Variants in PPM1N observed in about 807,000 individuals in gnomAD.
PPM1N encodes the protein protein phosphatase, Mg2+/Mn2+ dependent 1N (putative).
PPM1N carries 35 observed loss-of-function variants against 32.6 expected under a neutral mutation model. That is an observed-to-expected ratio of 1.07 (90% CI 0.82 to 1.43). The LOEUF (loss-of-function observed/expected upper bound fraction) is 1.43. PPM1N is among the 40% of genes most tolerant of loss of function. PPM1N has a pLI of 0.00. For synonymous variants in PPM1N, 275 were observed against 270.5 expected, an observed-to-expected ratio of 1.02 and a Z score of -0.16; for missense variants, 648 against 606.6, an observed-to-expected ratio of 1.07 and a Z score of -0.72.
chr19:45,499,598 GC>G, intron 1 of PPM1N, 187 bp downstream of exon 1: 1 of 1,549,640 alleles, frequency 6.5e-7, no homozygotes, highest in Non-Finnish European at 8.7e-7. Flanking sequence ...CCTGAGGGAT[GC>G]TTTGAGGCAC....
Position 45,500,657 on chromosome 19 carries a change from G to T in PPM1N, c.1171G>T (p.Val391Phe), listed in dbSNP as rs1279046611. The T allele has an allele frequency of 6.2e-7, 1 of 1,603,076 alleles. No individual in the cohort carries two copies. Residue 391 changes from valine to phenylalanine, a missense_variant, in exon 4 of 5, where the codon GTC becomes TTC. By Grantham distance (50) the Val-to-Phe change is conservative (BLOSUM62 -1). Coordinates refer to ENST00000451287, the MANE Select transcript of PPM1N (RefSeq NM_001080401.2). ...PGGGLDCKAT[V>F]IAEVYSQICQ... ...CCTTCCTGTGCTCTCCAGGGCCACT[G>T]TCATTGCTGAAGTTTATTCTCAGAT... is the stretch of plus-strand genomic sequence containing the variant.
rs765941121 is a variant in PPM1N, at chr19:45,500,567, TTGGGGTGAGGAAGGG to T, written c.1163+14_1163+28del. 2 of 1,605,262 alleles carry T rather than the reference TTGGGGTGAGGAAGGG, an allele frequency of 1.2e-6. No homozygotes were observed. Among genetic ancestry groups the T allele is most frequent in the South Asian group, 1.1e-5 (1 of 89,718 alleles). ...GGGGGAGGGCTGGACTGCAAGTGAG[TTGGGGTGAGGAAGGG>T]TGGGGTGGAATGAGGGTGGGGTGGA... On this transcript the variant is annotated splice_region_variant and intron_variant, in intron 3 of 4. Transcript: ENST00000451287.
rs1174782928 is a variant in PPM1N, at chr19:45,502,335, C to CAAAAAAAAAAAAAAAAAAAAAAA, written c.*257_*258insAAAAAAAAAAAAAAAAAAAAAAA. The stretch of plus-strand genomic sequence containing the variant: ...AAAAAAAAAAAAAAAAAAAAAAAAA[C>CAAAAAAAAAAAAAAAAAAAAAAA]AAAAAAACCCAACCAAATGTTTTTG... On this transcript the variant is annotated 3_prime_UTR_variant, in exon 5 of 5. Transcript: ENST00000451287. 3.0e-6 allele frequency: 1 copy of CAAAAAAAAAAAAAAAAAAAAAAA among 338,172 alleles called. No individual in the cohort carries two copies. The highest frequency in any genetic ancestry group is 4.3e-5 in the African/African-American group (1 of 23,528). The allele number at this position is 338,172 out of a possible 1,614,324, so 20.9% of individuals were successfully genotyped here.
chr19:45,501,775 T>A (rs1968417354), intron 4 of PPM1N, among the ~76,000 whole-genome samples: 1 of 152,150 alleles, frequency 6.6e-6, no homozygotes, highest in African/African-American at 2.4e-5. Context: ...AGTTTGCCAA[T>A]TTCCCCGGAG....
Position 45,498,697 on chromosome 19 carries a change from G to T in PPM1N, c.225G>T (p.Trp75Cys). The change falls in exon 1 of 5, where the codon TGG (tryptophan) becomes TGT (cysteine). Residue 75 changes from tryptophan (W) to cysteine (C), a missense_variant. Transcript: ENST00000451287. ...LRFGASAAQG[W>C]RARMEDAHCT... The stretch of plus-strand genomic sequence containing the variant: ...TCGGGGCGAGCGCAGCGCAAGGCTG[G>T]CGCGCGCGCATGGAGGATGCTCACT... 1.3e-6 allele frequency: 2 copies of T among 1,492,002 alleles called. No individual in the cohort carries two copies. 92.4% of individuals were successfully genotyped at this position (1,492,002 alleles called of 1,614,324 possible).
rs1035878555 is a variant in PPM1N at position 45,500,161 on chromosome 19, G to A, written c.1057+95G>A. The A allele has an allele frequency of 7.8e-6, 11 of 1,409,990 alleles. No homozygotes were observed. The Admixed American group carries it at 2.9e-4, about 38-fold the overall frequency. The allele number at this position is 1,409,990 out of a possible 1,614,324, so 87.3% of individuals were successfully genotyped here. ...TTTTTCTTTTTTTTTTTGAGATGGA[G>A]TCTTGCTCTGTCTCCTAGGCTGGAG... On this transcript the variant is annotated intron_variant, in intron 2 of 4. Coordinates refer to ENST00000451287, the MANE Select transcript of PPM1N (RefSeq NM_001080401.2).
Position 45,502,252 on chromosome 19 carries a change from C to T in PPM1N, c.*167C>T. ...TCTTACTTCCCTCTCACAGAAAAGTCTTACGAATGGGGAAATTCCACCAAC... is the reference window on the plus strand; with the variant it reads ...TCTTACTTCCCTCTCACAGAAAAGTTTTACGAATGGGGAAATTCCACCAAC... On this transcript the variant is annotated 3_prime_UTR_variant, in exon 5 of 5. Coordinates refer to ENST00000451287, the MANE Select transcript of PPM1N (RefSeq NM_001080401.2). 3.0e-6 allele frequency: 1 copy of T among 337,022 alleles called. No individual in the cohort carries two copies. The highest frequency in any genetic ancestry group is 2.4e-5 in the South Asian group (1 of 42,158). The allele number at this position is 337,022 out of a possible 1,614,324, so 20.9% of individuals were successfully genotyped here.
intron 1 of PPM1N, 178 bp from the exon 2 acceptor site, chr19:45,499,771 C>G: frequency 6.6e-7 from 1 of 1,506,760 alleles, no homozygotes; most frequent in Non-Finnish European, 8.9e-7. Flanking sequence ...GCATTGTTCT[C>G]TCAATTGGGA....
chr19:45,498,849 T>C lies in PPM1N; in HGVS notation c.377T>C (p.Leu126Pro). The C allele has an allele frequency of 1.3e-6, 2 of 1,534,070 alleles. No individual in the cohort carries two copies. Among genetic ancestry groups the C allele is most frequent in the Non-Finnish European group, 1.7e-6 (2 of 1,149,820 alleles). ...TTGCCAGGCCATGTGCTCCAGGAGC[T>C]GGGCCCGGAGCCTAGCGAGCCCGAG... The part of the protein sequence containing the change: ...RHLPGHVLQE[L>P]GPEPSEPEGV... Residue 126 changes from leucine (L) to proline (P), a missense_variant, in exon 1 of 5, where the codon CTG becomes CCG. Physicochemically the swap from Leu to Pro is moderately conservative, Grantham distance 98. Coordinates refer to ENST00000451287, the MANE Select transcript of PPM1N (RefSeq NM_001080401.2).
rs375340857 is a variant in PPM1N at position 45,499,356 on chromosome 19, T to G, written c.884T>G (p.Leu295Trp). 4.3e-6 allele frequency: 7 copies of G among 1,611,690 alleles called. No individual in the cohort carries two copies. Among genetic ancestry groups the G allele is most frequent in the Non-Finnish European group, 5.9e-6 (7 of 1,179,362 alleles). The change falls in exon 1 of 5, where the codon TTG becomes TGG. Residue 295 changes from leucine to tryptophan, a missense_variant. By Grantham distance (61) the Leu-to-Trp change is moderately conservative. Coordinates refer to ENST00000451287, the MANE Select transcript of PPM1N (RefSeq NM_001080401.2). Reference protein sequence around the residue: ...LAGLVASRLRLGLAPELLCAQ... With the variant: ...LAGLVASRLRWGLAPELLCAQ... Reference sequence around the variant, plus strand: ...GGACTGGTGGCTTCACGCCTCCGCTTGGGCCTGGCCCCAGAGCTTCTCTGC... The same window carrying G: ...GGACTGGTGGCTTCACGCCTCCGCTGGGGCCTGGCCCCAGAGCTTCTCTGC...
chr19:45,500,787 T>C (rs2122250586), intron 4 of PPM1N, 77 bp downstream of exon 4: 13 of 1,074,828 alleles, frequency 1.2e-5, no homozygotes, highest in Admixed American at 2.4e-5. Flanking sequence ...GACAGGGAAA[T>C]TGAAGCCAGT....
In PPM1N at chr19:45,499,336, G is replaced by C. The variant is rs747963392; in HGVS notation, c.864G>C (p.Leu288=). The part of the protein sequence containing the change: ...DTVSGAALAG[L]VASRLRLGLA... ...TGTCTGGTGCTGCCCTGGCGGGACTGGTGGCTTCACGCCTCCGCTTGGGCC... is the reference window on the plus strand; with the variant it reads ...TGTCTGGTGCTGCCCTGGCGGGACTCGTGGCTTCACGCCTCCGCTTGGGCC... The change falls in exon 1 of 5, where the codon CTG becomes CTC. Residue 288 remains leucine, a synonymous_variant. Transcript: ENST00000451287. The C allele has an allele frequency of 6.2e-7, 1 of 1,612,682 alleles. No homozygotes were observed. The highest frequency in any genetic ancestry group is 2.2e-5 in the East Asian group (1 of 44,882).
Position 45,502,309 on chromosome 19 carries a change from A to T in PPM1N, c.*224A>T. ...ACCAAAAAGAAAAAAGCCCAAATCGAAAAAAAAAAAAAAAAAAAAAAAAAA... is the reference window on the plus strand; with the variant it reads ...ACCAAAAAGAAAAAAGCCCAAATCGTAAAAAAAAAAAAAAAAAAAAAAAAA... On this transcript the variant is annotated 3_prime_UTR_variant, in exon 5 of 5. Coordinates refer to ENST00000451287, the MANE Select transcript of PPM1N (RefSeq NM_001080401.2). 2 of 163,054 alleles carry T rather than the reference A, an allele frequency of 1.2e-5. No individual in the cohort carries two copies. Among genetic ancestry groups the T allele is most frequent in the Non-Finnish European group, 2.1e-5 (2 of 97,020 alleles). The allele number at this position is 163,054 out of a possible 1,614,324, so 10.1% of individuals were successfully genotyped here.
rs753776178 is a variant in PPM1N at position 45,498,556 on chromosome 19, AGAGGAG to A, written c.95_100del (p.Glu32_Glu33del). 7.6e-6 allele frequency: 11 copies of A among 1,456,820 alleles called. No individual in the cohort carries two copies. The highest frequency in any genetic ancestry group is 9.0e-6 in the Non-Finnish European group (10 of 1,108,110). 90.2% of individuals were successfully genotyped at this position (1,456,820 alleles called of 1,614,324 possible). Reference sequence around the variant, plus strand: ...AGAGGGAGAAGGAGGGGAGGGAGGAAGAGGAGGAGGAGGAGGCGGGGCGCAGGGCCC... The same window carrying A: ...AGAGGGAGAAGGAGGGGAGGGAGGAAGAGGAGGAGGCGGGGCGCAGGGCCC... On this transcript the variant is annotated inframe_deletion, in exon 1 of 5. Coordinates refer to ENST00000451287, the MANE Select transcript of PPM1N (RefSeq NM_001080401.2).
At position 45,502,375 on chromosome 19, in the gene PPM1N, G is replaced by T. The variant is rs547995103; in HGVS notation, c.*290G>T. On this transcript the variant is annotated 3_prime_UTR_variant, in exon 5 of 5. Coordinates refer to ENST00000451287, the MANE Select transcript of PPM1N (RefSeq NM_001080401.2). ...AAATGTTTTTGAAATATTCAGAGCC[G>T]AACAGATTCTGAGAGATAACCCAGT... 22 of 527,562 alleles carry T rather than the reference G, an allele frequency of 4.2e-5. No individual in the cohort carries two copies. Among genetic ancestry groups the T allele is most frequent in the Non-Finnish European group, 6.4e-5 (20 of 313,996 alleles). The allele number at this position is 527,562 out of a possible 1,614,324, so 32.7% of individuals were successfully genotyped here. A position where few individuals can be genotyped will look rare whatever the true frequency, so the allele number is the denominator to read the frequency against.
intron 1 of PPM1N, chr19:45,499,730 A>G: frequency 6.5e-7 from 1 of 1,539,582 alleles, no homozygotes; most frequent in South Asian, 1.2e-5. Flanking sequence ...GAGCAGGTAA[A>G]CATCAGAGCG....
In PPM1N at chr19:45,499,394, G is replaced by C; in HGVS notation, c.922G>C (p.Asp308His). Residue 308 changes from aspartate to histidine, a missense_variant, in exon 1 of 5, where the codon GAC (aspartate) becomes CAC (histidine). By Grantham distance (81) the Asp-to-His change is moderately conservative. Transcript: ENST00000451287. ...APELLCAQLL[D>H]TCLCKGSLDN... Reference sequence around the variant, plus strand: ...AGAGCTTCTCTGCGCGCAGCTGTTGGACACGTGTCTGTGCAAGGTCCTGGG... The same window carrying C: ...AGAGCTTCTCTGCGCGCAGCTGTTGCACACGTGTCTGTGCAAGGTCCTGGG... The C allele has an allele frequency of 1.9e-6, 3 of 1,605,522 alleles. No homozygotes were observed. The highest frequency in any genetic ancestry group is 2.5e-6 in the Non-Finnish European group (3 of 1,176,530).
At chr19:45,499,838 G>A in intron 1 of PPM1N, 111 bp from the exon 2 acceptor site, 1 of 1,499,286 alleles carries the variant, frequency 6.7e-7, no homozygotes, top group Non-Finnish European at 8.9e-7. Flanking sequence ...GGTGGGACGC[G>A]AAAGAAATGG....
intron 4 of PPM1N, among the ~76,000 whole-genome samples, chr19:45,501,128 G>C (rs979328873): frequency 6.6e-6 from 1 of 152,170 alleles, no homozygotes; most frequent in Non-Finnish European, 1.5e-5. Context: ...AGAAATGTGA[G>C]CCGGCAACGC....
Sources: allele counts gnomAD v4.1 joint callset (sites outside exome capture counted in the v4.1 genomes callset), GRCh38; gene constraint gnomAD v4.1.1; transcripts MANE v1.5; gene names NCBI Gene and HGNC (gene_info 2026-07-23, HGNC 2026-07-21).